Variants in CDC42SE2 observed in about 807,000 individuals in gnomAD.
CDC42SE2 encodes CDC42 small effector protein 2.
CDC42SE2 carries 3 observed loss-of-function variants against 11.5 expected under a neutral mutation model. The ratio of observed to expected loss-of-function variants is 0.26; its 90% CI spans 0.12 to 0.67. The LOEUF (loss-of-function observed/expected upper bound fraction) is 0.67. Among genes scored for constraint, CDC42SE2 ranks in the 30% least tolerant of loss-of-function variants. CDC42SE2 has a pLI of 0.80. For synonymous variants in CDC42SE2, 33 were observed against 34.8 expected (o/e 0.95, Z 0.18); for missense variants, 82 against 106.8 (o/e 0.77, Z 1.02).
At chr5:131,221,940 G>T in the CDC42SE2 span, among the ~76,000 whole-genome samples, 1 of 152,166 alleles carries the variant, frequency 6.6e-6, no homozygotes, top group Non-Finnish European at 1.5e-5. Context: ...AGTTACCATT[G>T]ATTCATATGT....
rs1750791088 is a variant in CDC42SE2, at chr5:131,394,427, G to GTACAT, written c.*3339_*3343dup. On this transcript the variant is annotated 3_prime_UTR_variant, in exon 5 of 5. Transcript: ENST00000505065. Reference sequence around the variant, plus strand: ...GTGGGCCTTTAAAAATACTTCGTAAGTACATTAGCTTTCACTTTGTTGTTA... The same window carrying GTACAT: ...GTGGGCCTTTAAAAATACTTCGTAAGTACATTACATTAGCTTTCACTTTGTTGTTA... The GTACAT allele has an allele frequency of 6.6e-6, 1 of 152,342 alleles. No individual in the cohort carries two copies. Among genetic ancestry groups the GTACAT allele is most frequent in the Admixed American group, 6.5e-5 (1 of 15,284 alleles). The allele number at this position is 152,342 out of a possible 1,614,324, so 9.4% of individuals were successfully genotyped here.
chr5:131,317,271 G>A (rs539699183), intron 2 of CDC42SE2, among the ~76,000 whole-genome samples: 12 of 152,148 alleles, frequency 7.9e-5, no homozygotes, highest in Middle Eastern at 3.4e-3. Flanking sequence ...CAACTTTACC[G>A]TCAGAACCAG....
At chr5:131,220,527 G>A in the CDC42SE2 span, among the ~76,000 whole-genome samples, 1 of 152,128 alleles carries the variant, frequency 6.6e-6, no homozygotes, top group Non-Finnish European at 1.5e-5. Flanking sequence ...TAAGCAAGCA[G>A]CATATAACAC....
chr5:131,238,095 A>G, the CDC42SE2 span, among the ~76,000 whole-genome samples: 2 of 2,654 alleles, frequency 7.5e-4, no homozygotes, highest in African/African-American at 2.7e-3. Flanking sequence ...TCTCAATAGT[A>G]TTTTTCATCC....
chr5:131,313,640 G>A (rs1757977833), intron 1 of CDC42SE2, among the ~76,000 whole-genome samples: 1 of 152,126 alleles, frequency 6.6e-6, no homozygotes, highest in Non-Finnish European at 1.5e-5. Context: ...GTGTGTAGTT[G>A]TATTTCTGGA....
chr5:131,303,933 A>C (rs1370443296), intron 1 of CDC42SE2, among the ~76,000 whole-genome samples: 1 of 151,904 alleles, frequency 6.6e-6, no homozygotes. Context: ...ATAGAGATGG[A>C]GTGTACACTT....
At position 131,278,469 on chromosome 5, in the gene CDC42SE2, G is replaced by T. The variant is rs533811181; in HGVS notation, c.-455+14303G>T. On this transcript the variant is annotated intron_variant, in intron 1 of 4. Coordinates refer to ENST00000505065, the MANE Select transcript of CDC42SE2 (RefSeq NM_001375635.1). ...GTTAAGTGGAGCCAGTGTTGTGCTG[G>T]AACTGGTTAGCTGATTGTGCCTCTC... Among the ~76,000 whole-genome samples the T allele has an allele frequency of 4.1e-5, 6 of 147,226 alleles. No individual in the cohort carries two copies. In the South Asian group the frequency reaches 1.3e-3, roughly 32 times the overall value.
At chr5:131,297,024 C>T (rs190545396) in intron 1 of CDC42SE2, among the ~76,000 whole-genome samples, 11 of 151,942 alleles carry the variant, frequency 7.2e-5, no homozygotes, top group Middle Eastern at 3.4e-3. Flanking sequence ...AATGTTTTCT[C>T]TAAGTTGTAA....
chr5:131,259,196 A>G (rs147104080), upstream of CDC42SE2, among the ~76,000 whole-genome samples: 4 of 152,324 alleles, frequency 2.6e-5, no homozygotes, highest in East Asian at 7.7e-4. Context: ...GGGGTTTGCC[A>G]TTAGATTTTA....
chr5:131,378,257 T>C (rs1750212699), intron 3 of CDC42SE2, among the ~76,000 whole-genome samples: 1 of 152,238 alleles, frequency 6.6e-6, no homozygotes, highest in Non-Finnish European at 1.5e-5. Flanking sequence ...TCATTTTTTG[T>C]GTCAATGAAT....
chr5:131,332,222 G>GT lies in CDC42SE2; in HGVS notation c.-286+16084dup, dbSNP rs1235779640. ...TATGAGTGAGAACATGCGGTGTTTGGTTTTTTGTCCTTGCGATAGTTTGCT... is the reference window on the plus strand; with the variant it reads ...TATGAGTGAGAACATGCGGTGTTTGGTTTTTTTGTCCTTGCGATAGTTTGCT... On this transcript the variant is annotated intron_variant, in intron 2 of 4. Transcript: ENST00000505065. Among the ~76,000 whole-genome samples the GT allele has an allele frequency of 4.6e-5, 7 of 152,180 alleles. No individual in the cohort carries two copies. In the South Asian group the frequency reaches 1.2e-3, roughly 27 times the overall value.
chr5:131,212,095 GT>G, the CDC42SE2 span, among the ~76,000 whole-genome samples: 1 of 151,448 alleles, frequency 6.6e-6, no homozygotes. Flanking sequence ...GTGTGGCAGG[GT>G]TTTTTTCTGT....
intron 2 of CDC42SE2, among the ~76,000 whole-genome samples, chr5:131,348,050 C>T (rs1463457280): frequency 6.6e-6 from 1 of 152,096 alleles, no homozygotes; most frequent in Non-Finnish European, 1.5e-5. Flanking sequence ...ACTGAATGGG[C>T]AAAAACTGGA....
intron 2 of CDC42SE2, among the ~76,000 whole-genome samples, chr5:131,333,978 T>A (rs1212932460): frequency 2.0e-5 from 3 of 152,214 alleles, no homozygotes; most frequent in Admixed American, 6.5e-5. Flanking sequence ...CTGATTGCCC[T>A]TGCCAGAACT....
the CDC42SE2 span, among the ~76,000 whole-genome samples, chr5:131,234,722 A>C: frequency 9.4e-3 from 1,432 of 152,190 alleles, 5 homozygotes; most frequent in Non-Finnish European, 0.016. Context: ...ATAATTATGG[A>C]GGCCAAAAAG....
intron 3 of CDC42SE2, among the ~76,000 whole-genome samples, chr5:131,362,965 G>GGT (rs1749752257): frequency 6.6e-6 from 1 of 151,952 alleles, no homozygotes; most frequent in Admixed American, 6.6e-5. Flanking sequence ...TGAGCAACAT[G>GGT]GTGAAACCCT....
chr5:131,376,359 G>C (rs531998432), intron 3 of CDC42SE2, among the ~76,000 whole-genome samples: 1 of 152,260 alleles, frequency 6.6e-6, no homozygotes, highest in East Asian at 1.9e-4. Context: ...TGAAGGGAAG[G>C]TAAAATGTCA....
chr5:131,367,315 TATCTC>T (rs1749890349), intron 3 of CDC42SE2, among the ~76,000 whole-genome samples: 1 of 152,130 alleles, frequency 6.6e-6, no homozygotes. Flanking sequence ...TTCTTGTACA[TATCTC>T]AGTATATACA....
At chr5:131,387,526 T>TG in intron 4 of CDC42SE2, among the ~76,000 whole-genome samples, 1 of 152,258 alleles carries the variant, frequency 6.6e-6, no homozygotes, top group Non-Finnish European at 1.5e-5. Flanking sequence ...AACTCCAGCC[T>TG]GGGTGACAGA....
Sources: allele counts gnomAD v4.1 joint callset (sites outside exome capture counted in the v4.1 genomes callset), GRCh38; gene constraint gnomAD v4.1.1; transcripts MANE v1.5; gene names NCBI Gene and HGNC (gene_info 2026-07-23, HGNC 2026-07-21).